NEK7: variants seen among roughly 807,000 people sequenced by gnomAD.
NEK7 encodes the protein serine/threonine-protein kinase Nek7.
In NEK7, 18 loss-of-function variants were observed where a neutral mutation model predicts 44.6. The ratio of observed to expected loss-of-function variants is 0.40; its 90% CI spans 0.28 to 0.60. NEK7 has a LOEUF of 0.60. Among genes scored for constraint, NEK7 ranks in the 20% least tolerant of loss-of-function variants. NEK7 has a pLI of 0.38. For missense variants in NEK7, 256 were observed against 366.5 expected (o/e 0.70, Z 2.46); for synonymous variants, 130 against 121.1 (o/e 1.07, Z -0.48).
chr1:198,172,518 C>G (rs1664479583), intron 1 of NEK7, among the ~76,000 whole-genome samples: 1 of 152,124 alleles, frequency 6.6e-6, no homozygotes, highest in Non-Finnish European at 1.5e-5. Flanking sequence ...CAAACTTTGT[C>G]CCAGTATAGT....
intron 2 of NEK7, among the ~76,000 whole-genome samples, chr1:198,237,369 A>G (rs540687414): frequency 2.0e-5 from 3 of 152,086 alleles, no homozygotes; most frequent in African/African-American, 4.8e-5. Context: ...CTTGGCATCA[A>G]ATTTTCATGT....
chr1:198,303,988 A>G (rs1331510108), intron 9 of NEK7, among the ~76,000 whole-genome samples: 1 of 152,160 alleles, frequency 6.6e-6, no homozygotes, highest in Non-Finnish European at 1.5e-5. Flanking sequence ...TAACATTCTC[A>G]TCACAGTATC....
At chr1:198,224,977 G>A (rs2102853631) in intron 1 of NEK7, among the ~76,000 whole-genome samples, 1 of 152,232 alleles carries the variant, frequency 6.6e-6, no homozygotes, top group East Asian at 1.9e-4. Flanking sequence ...GGCGTTTATA[G>A]TTCAGAGCTC....
intron 2 of NEK7, among the ~76,000 whole-genome samples, chr1:198,244,952 C>T (rs1229598879): frequency 1.3e-5 from 2 of 152,108 alleles, no homozygotes; most frequent in Non-Finnish European, 2.9e-5. Context: ...ACTTTTGACT[C>T]CCTAAAAGCT....
At chr1:198,161,754 C>G (rs115849013) in intron 1 of NEK7, among the ~76,000 whole-genome samples, 120 of 152,184 alleles carry the variant, frequency 7.9e-4, no homozygotes, top group African/African-American at 2.8e-3. Context: ...GAATGAATGC[C>G]TGTCTGTGGC....
At chr1:198,229,045 A>T (rs1666310924) in intron 1 of NEK7, among the ~76,000 whole-genome samples, 2 of 152,300 alleles carry the variant, frequency 1.3e-5, no homozygotes, top group Admixed American at 1.3e-4. Flanking sequence ...TGGGGAAAGG[A>T]ATGCTGCACA....
intron 2 of NEK7, among the ~76,000 whole-genome samples, chr1:198,250,825 A>G (rs1350156041): frequency 7.0e-4 from 104 of 149,428 alleles, no homozygotes; most frequent in Non-Finnish European, 1.3e-3. Flanking sequence ...GTCATCTGCA[A>G]ACAGGGACAA....
chr1:198,210,205 C>T (rs1174503163), intron 1 of NEK7, among the ~76,000 whole-genome samples: 1 of 152,132 alleles, frequency 6.6e-6, no homozygotes, highest in Non-Finnish European at 1.5e-5. Context: ...AGTGATCCTC[C>T]TGCCTCACCT....
At chr1:198,192,662 C>T (rs535778379) in intron 1 of NEK7, among the ~76,000 whole-genome samples, 19 of 152,228 alleles carry the variant, frequency 1.2e-4, no homozygotes, top group African/African-American at 4.1e-4. Context: ...TTAAGAAACA[C>T]ACTCAAAACC....
chr1:198,233,092 GAA>G (rs59719766), intron 2 of NEK7, among the ~76,000 whole-genome samples: 2 of 141,320 alleles, frequency 1.4e-5, no homozygotes, highest in Non-Finnish European at 3.1e-5. Context: ...GAAGGAAGAG[GAA>G]AAAAAAAAAA....
chr1:198,250,195 T>C (rs1324096103), intron 2 of NEK7, among the ~76,000 whole-genome samples: 4 of 148,268 alleles, frequency 2.7e-5, no homozygotes, highest in African/African-American at 5.0e-5. Flanking sequence ...GTTGTAGATA[T>C]GTGGCATTAT....
chr1:198,252,618 CAT>C (rs1380497143), intron 2 of NEK7, among the ~76,000 whole-genome samples: 1 of 113,110 alleles, frequency 8.8e-6, no homozygotes, highest in Non-Finnish European at 1.7e-5. Flanking sequence ...TTTATTAAAA[CAT>C]GTATATGTAT....
At chr1:198,178,996 C>T (rs1471296499) in intron 1 of NEK7, among the ~76,000 whole-genome samples, 2 of 151,260 alleles carry the variant, frequency 1.3e-5, no homozygotes, top group Admixed American at 1.3e-4. Context: ...TGATACCCCC[C>T]CCCTTTTTTT....
At chr1:198,259,938 C>T (rs529041572) in intron 3 of NEK7, among the ~76,000 whole-genome samples, 95 of 152,264 alleles carry the variant, frequency 6.2e-4, no homozygotes, top group African/African-American at 2.1e-3. Flanking sequence ...TCACTTTGAA[C>T]AAGTAGCACT....
At chr1:198,235,553 A>G (rs1250699870) in intron 2 of NEK7, among the ~76,000 whole-genome samples, 1 of 152,170 alleles carries the variant, frequency 6.6e-6, no homozygotes, top group Non-Finnish European at 1.5e-5. Flanking sequence ...CTGTATAAAG[A>G]TGGTGGTTGG....
At chr1:198,209,135 T>C (rs1444428238) in intron 1 of NEK7, among the ~76,000 whole-genome samples, 1 of 107,606 alleles carries the variant, frequency 9.3e-6, no homozygotes, top group Non-Finnish European at 1.8e-5. Flanking sequence ...TATACACATA[T>C]GTATGTGTAT....
chr1:198,270,958 G>A (rs1316192239), intron 5 of NEK7, among the ~76,000 whole-genome samples: 1 of 151,944 alleles, frequency 6.6e-6, no homozygotes, highest in African/African-American at 2.4e-5. Flanking sequence ...ACTGGTTTTT[G>A]GGGGAATTCA....
chr1:198,241,880 A>G (rs781773679), intron 2 of NEK7, among the ~76,000 whole-genome samples: 3 of 152,222 alleles, frequency 2.0e-5, no homozygotes, highest in Non-Finnish European at 4.4e-5. Context: ...GATGACTGCA[A>G]TGACAACAAG....
chr1:198,226,764 T>C (rs1666240198), intron 1 of NEK7, among the ~76,000 whole-genome samples: 1 of 151,964 alleles, frequency 6.6e-6, no homozygotes, highest in Non-Finnish European at 1.5e-5. Flanking sequence ...TCTCCTGCCC[T>C]TTCACCTCCT....
Sources: allele counts gnomAD v4.1 joint callset (sites outside exome capture counted in the v4.1 genomes callset), GRCh38; gene constraint gnomAD v4.1.1; transcripts MANE v1.5; gene names NCBI Gene and HGNC (gene_info 2026-07-23, HGNC 2026-07-21).